The following ZKSCAN1 variants were observed in gnomAD, a reference collection of about 807,000 sequenced individuals.
The protein encoded by ZKSCAN1 is zinc finger protein with KRAB and SCAN domains 1.
A neutral mutation model predicts 51.6 loss-of-function variants in ZKSCAN1; 14 were observed. The observed-to-expected ratio is 0.27, with a 90% CI of 0.18 to 0.42. ZKSCAN1 has a LOEUF of 0.42. Among genes scored for constraint, ZKSCAN1 ranks in the 10% least tolerant of loss-of-function variants. The pLI is 1.00. For missense variants in ZKSCAN1, 531 were observed against 710.0 expected, an observed-to-expected ratio of 0.75 and a Z score of 2.86; for synonymous variants, 263 against 261.5, an observed-to-expected ratio of 1.01 and a Z score of -0.06.
At chr7:100,043,560 G>C (rs566951185), downstream of ZKSCAN1, among the ~76,000 whole-genome samples, 5 of 148,334 alleles carry the variant, frequency 3.4e-5, no homozygotes, top group African/African-American at 7.5e-5. Flanking sequence ...TTTTTGCAGA[G>C]ACAGGGTCTT....
chr7:100,035,233 G>A lies in ZKSCAN1; in HGVS notation c.*1036G>A, dbSNP rs1374427741. On this transcript the variant is annotated 3_prime_UTR_variant, in exon 6 of 6. Transcript: ENST00000324306. Reference sequence around the variant, plus strand: ...GTAGCCTGGCCCAGCTTCTAAAGAGGACCTTCGTAGCCACAAGGCATGCTA... The same window carrying A: ...GTAGCCTGGCCCAGCTTCTAAAGAGAACCTTCGTAGCCACAAGGCATGCTA... 6.6e-6 allele frequency: 1 copy of A among 152,126 alleles called. No individual in the cohort carries two copies. Among genetic ancestry groups the A allele is most frequent in the Non-Finnish European group, 1.5e-5 (1 of 68,016 alleles). The allele number at this position is 152,126 out of a possible 1,614,324, so 9.4% of individuals were successfully genotyped here.
At position 100,033,352 on chromosome 7, in the gene ZKSCAN1, A is replaced by G; in HGVS notation, c.847A>G (p.Thr283Ala). 6.2e-7 allele frequency: 1 copy of G among 1,613,690 alleles called. No homozygotes were observed. Among genetic ancestry groups the G allele is most frequent in the African/African-American group, 1.3e-5 (1 of 74,984 alleles). The change falls in exon 6 of 6, where the codon ACC becomes GCC. Residue 283 changes from threonine (T) to alanine (A), a missense_variant. Thr to Ala is a moderately conservative substitution (Grantham distance 58, BLOSUM62 0). Coordinates refer to ENST00000324306, the MANE Select transcript of ZKSCAN1 (RefSeq NM_003439.4). The surrounding 1 kb of genome is among the most constrained non-coding windows in gnomAD (Gnocchi z 4.1). ...CGAGGAGTCAACCTCAAAGGCTGAA[A>G]CCTCGGAAGATTCAGCATCACGCGG... Reference protein sequence around the residue: ...ENEESTSKAETSEDSASRGET... With the variant: ...ENEESTSKAEASEDSASRGET...
downstream of ZKSCAN1, chr7:100,044,655 T>A (rs1791679259): frequency 4.1e-6 from 2 of 484,764 alleles, no homozygotes; most frequent in Non-Finnish European, 5.2e-6. Context: ...CACTCCAGCC[T>A]GGGTGATGGC....
downstream of ZKSCAN1, chr7:100,044,813 G>A (rs1219493416): frequency 1.3e-5 from 13 of 984,506 alleles, no homozygotes; most frequent in African/African-American, 1.8e-5. Context: ...CCAACATGCT[G>A]CACATGTCTT....
rs1289896321 is a variant in ZKSCAN1, at chr7:100,040,377, TAATTC to T, written c.*6183_*6187del. 26 of 985,290 alleles carry T rather than the reference TAATTC, an allele frequency of 2.6e-5. No homozygotes were observed. The East Asian group carries it at 2.6e-3, about 99-fold the overall frequency. The allele number at this position is 985,290 out of a possible 1,614,324, so 61.0% of individuals were successfully genotyped here. ...CTCCATTTACTAAAGAATCGTGACT[TAATTC>T]AAATTGCACAGTAATCAGTAAAGTG... On this transcript the variant is annotated 3_prime_UTR_variant, in exon 6 of 6. Transcript: ENST00000324306.
At chr7:100,027,508 T>G (rs1392686289) in intron 3 of ZKSCAN1, among the ~76,000 whole-genome samples, 4 of 151,802 alleles carry the variant, frequency 2.6e-5, no homozygotes, top group Non-Finnish European at 5.9e-5. Context: ...TCCAGCACTT[T>G]GGGAAGCCGA....
Position 100,024,203 on chromosome 7 carries a change from C to A in ZKSCAN1, c.476C>A (p.Pro159His). The change falls in exon 3 of 6, where the codon CCT (proline) becomes CAT (histidine). Residue 159 changes from proline to histidine, a missense_variant. By Grantham distance (77) the Pro-to-His change is moderately conservative. Around this residue, in one of 2 missense-constraint regions of ZKSCAN1, gnomAD observed 403 missense variants for 490.5 expected, o/e 0.82. Transcript: ENST00000324306. Reference sequence around the variant, plus strand: ...GAGATGCTCGCAAGGGGGATGGTGCCTCTGGATCCAGTTCAGGAGTCCTCG... The same window carrying A: ...GAGATGCTCGCAAGGGGGATGGTGCATCTGGATCCAGTTCAGGAGTCCTCG... Reference protein sequence around the residue: ...GPEMLARGMVPLDPVQESSSF... With the variant: ...GPEMLARGMVHLDPVQESSSF... 6.2e-7 allele frequency: 1 copy of A among 1,614,088 alleles called. No homozygotes were observed. Among genetic ancestry groups the A allele is most frequent in the Non-Finnish European group, 8.5e-7 (1 of 1,180,034 alleles).
Position 100,035,915 on chromosome 7 carries a change from A to C in ZKSCAN1, c.*1718A>C. 4.1e-6 allele frequency: 4 copies of C among 985,408 alleles called. No individual in the cohort carries two copies. The highest frequency in any genetic ancestry group is 4.8e-6 in the Non-Finnish European group (4 of 829,950). The allele number at this position is 985,408 out of a possible 1,614,324, so 61.0% of individuals were successfully genotyped here. On this transcript the variant is annotated 3_prime_UTR_variant, in exon 6 of 6. Coordinates refer to ENST00000324306, the MANE Select transcript of ZKSCAN1 (RefSeq NM_003439.4). ...GACAAGGGTCCTACCCAAGGCTAGG[A>C]CCGCCCTGCGGAAACAGAAACATAG...
At position 100,024,140 on chromosome 7, in the gene ZKSCAN1, C is replaced by G. The variant is rs1790713138; in HGVS notation, c.427-14C>G. ...AAAGTGATTTACCCACAAGCCCAACCTGTCTGTCTTCAGGTCCCAGGTCAA... is the reference window on the plus strand; with the variant it reads ...AAAGTGATTTACCCACAAGCCCAACGTGTCTGTCTTCAGGTCCCAGGTCAA... On this transcript the variant is annotated splice_polypyrimidine_tract_variant and intron_variant, in intron 2 of 5. Transcript: ENST00000324306. 6.2e-7 allele frequency: 1 copy of G among 1,602,682 alleles called. No homozygotes were observed. The highest frequency in any genetic ancestry group is 1.3e-5 in the African/African-American group (1 of 74,480).
chr7:100,042,020 T>A (rs1791611653), downstream of ZKSCAN1, among the ~76,000 whole-genome samples: 1 of 152,104 alleles, frequency 6.6e-6, no homozygotes, highest in Non-Finnish European at 1.5e-5. Flanking sequence ...AACAGACTCT[T>A]TAAGACTGAT....
intron 1 of ZKSCAN1, chr7:100,016,793 T>TA (rs1790384982): frequency 6.6e-6 from 1 of 152,182 alleles, no homozygotes. Context: ...GGTCAATAAA[T>TA]ACTTGTTGAA....
In ZKSCAN1 at chr7:100,023,637, T is replaced by C. The variant is rs779721515; in HGVS notation, c.131T>C (p.Leu44Pro). The change falls in exon 2 of 6, where the codon CTA (leucine) becomes CCA (proline). Residue 44 changes from leucine to proline, a missense_variant. Leu to Pro is a moderately conservative substitution (Grantham distance 98). Coordinates refer to ENST00000324306, the MANE Select transcript of ZKSCAN1 (RefSeq NM_003439.4). Reference sequence around the variant, plus strand: ...CACATGTGGGGGCAGGATTCCACCCTACAGGACACGCCTCCTCCAGACCCA... The same window carrying C: ...CACATGTGGGGGCAGGATTCCACCCCACAGGACACGCCTCCTCCAGACCCA... Reference protein sequence around the residue: ...EDHMWGQDSTLQDTPPPDPEI... With the variant: ...EDHMWGQDSTPQDTPPPDPEI... 5 of 1,614,092 alleles carry C rather than the reference T, an allele frequency of 3.1e-6. No homozygotes were observed. Among genetic ancestry groups the C allele is most frequent in the South Asian group, 1.1e-5 (1 of 91,072 alleles).
chr7:100,022,812 G>A (rs1236534563), intron 1 of ZKSCAN1, among the ~76,000 whole-genome samples: 1 of 152,142 alleles, frequency 6.6e-6, no homozygotes, highest in Non-Finnish European at 1.5e-5. Flanking sequence ...CCTGGCACCT[G>A]GCACTCTGCT....
chr7:100,027,791 C>T (rs1432523939), intron 3 of ZKSCAN1, among the ~76,000 whole-genome samples: 3 of 149,710 alleles, frequency 2.0e-5, no homozygotes, highest in African/African-American at 7.4e-5. Context: ...ATGTTTAACT[C>T]CACTACTGTT....
intron 4 of ZKSCAN1, 51 bp from the exon 5 acceptor site, chr7:100,030,198 G>C (rs769570846): frequency 3.1e-6 from 5 of 1,596,046 alleles, no homozygotes; most frequent in Non-Finnish European, 3.4e-6. Flanking sequence ...TGAGCAATGG[G>C]ATTGTCCCTG....
chr7:100,033,441 A>G lies in ZKSCAN1; in HGVS notation c.936A>G (p.Gly312=). Reference sequence around the variant, plus strand: ...AACGTGACCAGGAGGGCAAAACAGGAGAAAGACAGCAGAAAAACCCTGAGG... The same window carrying G: ...AACGTGACCAGGAGGGCAAAACAGGGGAAAGACAGCAGAAAAACCCTGAGG... ...GEKRDQEGKT[G]ERQQKNPEEK... is the part of the protein sequence containing the mutation. Residue 312 remains glycine, a synonymous_variant, in exon 6 of 6, where the codon GGA becomes GGG. Coordinates refer to ENST00000324306, the MANE Select transcript of ZKSCAN1 (RefSeq NM_003439.4). This position sits in a 1 kb window ranked among gnomAD's most constrained non-coding sequence, Gnocchi z 4.1. 6.2e-7 allele frequency: 1 copy of G among 1,614,098 alleles called. No homozygotes were observed. The highest frequency in any genetic ancestry group is 8.5e-7 in the Non-Finnish European group (1 of 1,180,032).
rs1791223656 is a variant in ZKSCAN1, at chr7:100,033,818, G to A, written c.1313G>A (p.Cys438Tyr). ...GAGAAACCTCATGAATGTAACGAGT[G>A]TGGCAAGGCCTTCAGCCACAGTTCC... ...TGEKPHECNE[C>Y]GKAFSHSSNL... is the part of the protein sequence containing the mutation. Residue 438 changes from cysteine to tyrosine, a missense_variant, in exon 6 of 6, where the codon TGT becomes TAT. By Grantham distance (194) the Cys-to-Tyr change is radical (BLOSUM62 -2). Around this residue, in one of 2 missense-constraint regions of ZKSCAN1, gnomAD observed 128 missense variants for 219.5 expected, o/e 0.58. Coordinates refer to ENST00000324306, the MANE Select transcript of ZKSCAN1 (RefSeq NM_003439.4). The surrounding 1 kb of genome is among the most constrained non-coding windows in gnomAD (Gnocchi z 4.1). 6.2e-7 allele frequency: 1 copy of A among 1,614,230 alleles called. No individual in the cohort carries two copies. Among genetic ancestry groups the A allele is most frequent in the Non-Finnish European group, 8.5e-7 (1 of 1,180,048 alleles).
chr7:100,035,482 C>T lies in ZKSCAN1; in HGVS notation c.*1285C>T, dbSNP rs941809393. On this transcript the variant is annotated 3_prime_UTR_variant, in exon 6 of 6. Transcript: ENST00000324306. ...GAATTCTTTGCAGTTAGCTGCTGAA[C>T]AGTATGATGATTTGGGGATTTTCTG... 2 of 151,730 alleles carry T rather than the reference C, an allele frequency of 1.3e-5. No homozygotes were observed. The highest frequency in any genetic ancestry group is 4.8e-5 in the African/African-American group (2 of 41,254). 9.4% of individuals were successfully genotyped at this position (151,730 alleles called of 1,614,324 possible).
rs542861692 is a variant in ZKSCAN1 at position 100,018,685 on chromosome 7, C to G, written c.-89+2959C>G. Among the ~76,000 whole-genome samples the G allele has an allele frequency of 2.6e-5, 4 of 152,252 alleles. 1 individual carries two copies. Among genetic ancestry groups the G allele is most frequent in the African/African-American group, 9.6e-5 (4 of 41,552 alleles). ...TACAGGCATGAGCCACTGCGCCCGG[C>G]GCATCATGAGAAATTACCTAGCAAA... is the stretch of plus-strand genomic sequence containing the variant. On this transcript the variant is annotated intron_variant, in intron 1 of 5. Transcript: ENST00000324306.
Sources: gnomAD v4.1 joint callset for allele counts (sites outside exome capture counted in the v4.1 genomes callset) on GRCh38, gnomAD v4.1.1 for gene constraint, gnomAD v4.1.1 regional missense constraint, Gnocchi (gnomAD v3.1) non-coding constraint, MANE v1.5 for transcripts, NCBI Gene and HGNC (gene_info 2026-07-23, HGNC 2026-07-21) for gene names.